PPP1R14D: variants seen among roughly 807,000 people sequenced by gnomAD.
PPP1R14D encodes protein phosphatase 1 regulatory subunit 14D.
In PPP1R14D, 14 loss-of-function variants were observed where a neutral mutation model predicts 17.1. The ratio of observed to expected loss-of-function variants is 0.82; its 90% CI spans 0.54 to 1.28. The LOEUF (loss-of-function observed/expected upper bound fraction) is 1.28, where lower values mean the gene tolerates loss of function less well. Ranked by LOEUF, PPP1R14D falls within the 50% of genes most tolerant of loss-of-function variation. The pLI, the probability that PPP1R14D is intolerant of heterozygous loss-of-function variation, is 0.00. For synonymous variants in PPP1R14D, 67 were observed against 66.1 expected (o/e 1.01, Z -0.06); for missense variants, 173 against 179.2 (o/e 0.97, Z 0.20).
chr15:40,819,355 C>T (rs1225744372), intron 1 of PPP1R14D, among the ~76,000 whole-genome samples: 6 of 152,134 alleles, frequency 3.9e-5, no homozygotes, highest in Non-Finnish European at 8.8e-5. Flanking sequence ...CGAGACCAGC[C>T]TGGCCAACTT....
intron 1 of PPP1R14D, among the ~76,000 whole-genome samples, chr15:40,819,295 A>G (rs1043948078): frequency 3.3e-5 from 5 of 152,130 alleles, no homozygotes; most frequent in African/African-American, 9.7e-5. Context: ...AAATCTTAGC[A>G]TTGGCCAGGC....
intron 1 of PPP1R14D, among the ~76,000 whole-genome samples, chr15:40,827,095 C>T (rs114629187): frequency 1.1e-3 from 169 of 152,346 alleles, no homozygotes; most frequent in African/African-American, 3.9e-3. Flanking sequence ...TGGCACTCAA[C>T]TTTGGTTACT....
intron 1 of PPP1R14D, among the ~76,000 whole-genome samples, chr15:40,823,858 T>TAC (rs1890826102): frequency 6.6e-6 from 1 of 151,984 alleles, no homozygotes; most frequent in Non-Finnish European, 1.5e-5. Context: ...ATAAGGTATG[T>TAC]GTATTACTGA....
intron 1 of PPP1R14D, among the ~76,000 whole-genome samples, chr15:40,827,466 G>A (rs183825880): frequency 1.4e-4 from 22 of 152,170 alleles, no homozygotes; most frequent in Non-Finnish European, 8.8e-5. Flanking sequence ...CAAAATCACG[G>A]CATTGCACTC....
chr15:40,822,907 T>C (rs1445215943), intron 1 of PPP1R14D, among the ~76,000 whole-genome samples: 28 of 150,724 alleles, frequency 1.9e-4, no homozygotes, highest in Non-Finnish European at 1.5e-5. Flanking sequence ...CAAGCAATCC[T>C]CCTACCTCAG....
At chr15:40,822,014 A>G (rs1890786284) in intron 1 of PPP1R14D, among the ~76,000 whole-genome samples, 1 of 152,192 alleles carries the variant, frequency 6.6e-6, no homozygotes, top group Non-Finnish European at 1.5e-5. Flanking sequence ...GCAGTGGCTT[A>G]TGCCTGTAAT....
intron 1 of PPP1R14D, among the ~76,000 whole-genome samples, chr15:40,820,556 TAAAAG>T (rs959854010): frequency 1.3e-5 from 2 of 151,246 alleles, no homozygotes; most frequent in African/African-American, 2.4e-5. Context: ...ATACAGAAGA[TAAAAG>T]AAAGAATCAG....
chr15:40,826,798 T>A (rs1890876130), intron 1 of PPP1R14D, among the ~76,000 whole-genome samples: 1 of 152,092 alleles, frequency 6.6e-6, no homozygotes, highest in Admixed American at 6.6e-5. Context: ...CAAGATCTCA[T>A]CTCTATAAAA....
Position 40,816,191 on chromosome 15 carries a change from C to T in PPP1R14D, c.318G>A (p.Glu106=), listed in dbSNP as rs1198579598. The change falls in exon 2 of 4, where the codon GAG becomes GAA. Residue 106 remains glutamate, a synonymous_variant. Transcript: ENST00000299174. The stretch of plus-strand genomic sequence containing the variant: ...CTACCTCCAGCTGAGTCTTCTGCTC[C>T]TCTGTGGATAGATCCATGAGAGCTT... ...DLEALMDLST[E]EQKTQLEAIL... The T allele has an allele frequency of 3.7e-6, 6 of 1,614,032 alleles. No individual in the cohort carries two copies. The highest frequency in any genetic ancestry group is 5.1e-6 in the Non-Finnish European group (6 of 1,180,020).
intron 1 of PPP1R14D, 113 bp downstream of exon 1, chr15:40,828,274 G>T: frequency 7.3e-7 from 1 of 1,368,368 alleles, no homozygotes; most frequent in Non-Finnish European, 9.8e-7. Flanking sequence ...AGTTACAAAA[G>T]CTTTCTCTTC....
At chr15:40,821,909 T>C (rs2141987603) in intron 1 of PPP1R14D, among the ~76,000 whole-genome samples, 1 of 152,112 alleles carries the variant, frequency 6.6e-6, no homozygotes, top group South Asian at 2.1e-4. Context: ...GCGTGGGCGA[T>C]AAAGTGAGAC....
chr15:40,815,870 C>A, intron 3 of PPP1R14D, 92 bp downstream of exon 3: 1 of 1,559,582 alleles, frequency 6.4e-7, no homozygotes, highest in Non-Finnish European at 8.8e-7. Flanking sequence ...GAGAAGGACC[C>A]ACAGCCAAGC....
chr15:40,823,206 C>T (rs1291044085), intron 1 of PPP1R14D, among the ~76,000 whole-genome samples: 3 of 151,920 alleles, frequency 2.0e-5, no homozygotes, highest in African/African-American at 7.3e-5. Flanking sequence ...TCAGGTGATC[C>T]GTCCACTTCA....
At position 40,815,595 on chromosome 15, in the gene PPP1R14D, T is replaced by C; in HGVS notation, c.*101A>G. On this transcript the variant is annotated 3_prime_UTR_variant, in exon 4 of 4. Coordinates refer to ENST00000299174, the MANE Select transcript of PPP1R14D (RefSeq NM_017726.8). ...TGCAAATGTCCCTCCTTGTCCACAT[T>C]TCTTGTTTGTGTCCCAAGGAGCTAT... The C allele has an allele frequency of 2.1e-6, 3 of 1,405,858 alleles. No individual in the cohort carries two copies. Among genetic ancestry groups the C allele is most frequent in the Non-Finnish European group, 2.9e-6 (3 of 1,026,664 alleles). The allele number at this position is 1,405,858 out of a possible 1,614,324, so 87.1% of individuals were successfully genotyped here. A position where few individuals can be genotyped will look rare whatever the true frequency, so the allele number is the denominator to read the frequency against.
chr15:40,824,441 G>T lies in PPP1R14D; in HGVS notation c.255+3946C>A, dbSNP rs376160105. Among the ~76,000 whole-genome samples, 17 of 151,916 alleles carry T rather than the reference G, an allele frequency of 1.1e-4. No individual in the cohort carries two copies. In the East Asian group the frequency reaches 2.9e-3, roughly 26 times the overall value. ...GCTGGAGTGCAGTGGCACGATCATGGCTTACTGCAGCCTTGACCTCCCAGG... is the reference window on the plus strand; with the variant it reads ...GCTGGAGTGCAGTGGCACGATCATGTCTTACTGCAGCCTTGACCTCCCAGG... On this transcript the variant is annotated intron_variant, in intron 1 of 3. Transcript: ENST00000299174.
intron 1 of PPP1R14D, among the ~76,000 whole-genome samples, chr15:40,817,529 A>G (rs1378048343): frequency 6.6e-6 from 1 of 151,800 alleles, no homozygotes; most frequent in Non-Finnish European, 1.5e-5. Context: ...ACATTCATTC[A>G]TTCATGTCAT....
chr15:40,817,700 GA>G (rs1890697731), intron 1 of PPP1R14D, among the ~76,000 whole-genome samples: 1 of 146,950 alleles, frequency 6.8e-6, no homozygotes. Flanking sequence ...CTGCAGTCTT[GA>G]CCTCCCAGGC....
rs200032168 is a variant in PPP1R14D, at chr15:40,816,242, G to T, written c.267C>A (p.Thr89=). ...QVQELFQDQA[T]PSEPEIDLEA... ...CCAGGTCAATCTCAGGCTCAGAAGG[G>T]GTTGCTTGATCCTATTTGGAAATCA... Residue 89 remains threonine (T), a synonymous_variant, in exon 2 of 4, where the codon ACC becomes ACA. Transcript: ENST00000299174. 8.7e-6 allele frequency: 14 copies of T among 1,614,064 alleles called. No homozygotes were observed. Among genetic ancestry groups the T allele is most frequent in the Non-Finnish European group, 1.1e-5 (13 of 1,179,976 alleles).
intron 1 of PPP1R14D, among the ~76,000 whole-genome samples, chr15:40,824,887 G>GCCGGATT (rs1890844431): frequency 6.6e-6 from 1 of 152,142 alleles, no homozygotes; most frequent in South Asian, 2.1e-4. Context: ...GGAAACAGAA[G>GCCGGATT]CCGGATTCCA....
Sources: allele counts gnomAD v4.1 joint callset (sites outside exome capture counted in the v4.1 genomes callset), GRCh38; gene constraint gnomAD v4.1.1; transcripts MANE v1.5; gene names NCBI Gene and HGNC (gene_info 2026-07-23, HGNC 2026-07-21).